SNX8: variants seen among roughly 807,000 people sequenced by gnomAD.
SNX8 encodes the protein sorting nexin 8, also known as sorting nexin-8.
SNX8 carries 25 observed loss-of-function variants against 51.6 expected under a neutral mutation model. The observed-to-expected ratio is 0.48, with a 90% CI of 0.35 to 0.68. The LOEUF is 0.68. Among genes scored for constraint, SNX8 ranks in the 30% least tolerant of loss-of-function variants. SNX8 has a pLI of 0.00. For synonymous variants in SNX8, 324 were observed against 277.0 expected (o/e 1.17, Z -1.68); for missense variants, 695 against 624.0 (o/e 1.11, Z -1.21).
chr7:2,274,398 T>A (rs1221961855), intron 3 of SNX8, among the ~76,000 whole-genome samples: 1 of 152,216 alleles, frequency 6.6e-6, no homozygotes, highest in Non-Finnish European at 1.5e-5. Context: ...CATGATCAGC[T>A]CTAAGCACTC....
intron 1 of SNX8, among the ~76,000 whole-genome samples, chr7:2,295,144 T>A (rs1235760716): frequency 1.3e-5 from 2 of 152,306 alleles, no homozygotes; most frequent in East Asian, 3.9e-4. Context: ...GGCTCACACC[T>A]GTTATCCCAG....
At chr7:2,301,692 A>C (rs1428541585) in intron 1 of SNX8, among the ~76,000 whole-genome samples, 1 of 152,156 alleles carries the variant, frequency 6.6e-6, no homozygotes, top group Non-Finnish European at 1.5e-5. Context: ...GGTGATGGTA[A>C]ACTGACATGG....
At position 2,257,041 on chromosome 7, in the gene SNX8, GCCTTTCGCACCCGGC is replaced by G. The variant is rs1562419314; in HGVS notation, c.1135-33_1135-19del. 6.3e-6 allele frequency: 10 copies of G among 1,587,222 alleles called. No individual in the cohort carries two copies. Among genetic ancestry groups the G allele is most frequent in the Non-Finnish European group, 8.6e-6 (10 of 1,163,586 alleles). On this transcript the variant is annotated intron_variant, in intron 9 of 10. Coordinates refer to ENST00000222990, the MANE Select transcript of SNX8 (RefSeq NM_013321.4). ...TTCTCCTGCTGCGGAGCAAACAGCC[GCCTTTCGCACCCGGC>G]CCAGCCGGCGACGGGAGCACCAAGG...
chr7:2,335,867 T>C (rs1413309022), intron 1 of SNX8, among the ~76,000 whole-genome samples: 1 of 117,388 alleles, frequency 8.5e-6, no homozygotes, highest in African/African-American at 3.3e-5. Context: ...TTCAGAAAAA[T>C]GAATGTTAAT....
upstream of SNX8, among the ~76,000 whole-genome samples, chr7:2,316,711 A>G (rs1158358618): frequency 6.7e-6 from 1 of 149,856 alleles, no homozygotes; most frequent in African/African-American, 2.5e-5. Context: ...TCATGCAACC[A>G]CTCACTCACT....
At chr7:2,268,000 C>T (rs1330892377) in intron 5 of SNX8, among the ~76,000 whole-genome samples, 14 of 146,030 alleles carry the variant, frequency 9.6e-5, no homozygotes, top group Admixed American at 5.4e-4. Flanking sequence ...TCTGCCCGGC[C>T]GAGACCCCGT....
At chr7:2,299,840 T>C (rs1196636895) in intron 1 of SNX8, among the ~76,000 whole-genome samples, 6 of 152,102 alleles carry the variant, frequency 3.9e-5, no homozygotes, top group Admixed American at 6.6e-5. Context: ...AGAACCTTCA[T>C]TGGCCACCAA....
chr7:2,333,219 C>T (rs1778770773), intron 1 of SNX8, among the ~76,000 whole-genome samples: 1 of 151,954 alleles, frequency 6.6e-6, no homozygotes, highest in Non-Finnish European at 1.5e-5. Context: ...CAGCCAAGCC[C>T]AGGAGTTTGA....
At chr7:2,258,868 C>T (rs1795265513) in intron 7 of SNX8, among the ~76,000 whole-genome samples, 2 of 152,152 alleles carry the variant, frequency 1.3e-5, no homozygotes, top group Admixed American at 6.5e-5. Flanking sequence ...CGGCGGGCAG[C>T]CCTGGAGTGG....
intron 1 of SNX8, among the ~76,000 whole-genome samples, chr7:2,281,285 T>G (rs1584696418): frequency 6.6e-6 from 1 of 151,786 alleles, no homozygotes; most frequent in South Asian, 2.1e-4. Context: ...ACGGGCATGT[T>G]GGCGCAACCT....
chr7:2,343,597 C>T (rs999288568), intron 1 of SNX8, among the ~76,000 whole-genome samples: 3 of 152,026 alleles, frequency 2.0e-5, no homozygotes, highest in African/African-American at 7.2e-5. Context: ...ATGGCGTAAA[C>T]CCGGGAGGCG....
chr7:2,283,523 T>C (rs1485743000), intron 1 of SNX8, among the ~76,000 whole-genome samples: 3 of 152,204 alleles, frequency 2.0e-5, no homozygotes, highest in Non-Finnish European at 2.9e-5. Flanking sequence ...GTGTGGTTCC[T>C]ACTGTCCCGT....
At chr7:2,353,376 A>C (rs997478570) in intron 1 of SNX8, among the ~76,000 whole-genome samples, 4 of 152,030 alleles carry the variant, frequency 2.6e-5, no homozygotes, top group Non-Finnish European at 4.4e-5. Flanking sequence ...ACAGAGCGAG[A>C]CCCTATCTCT....
intron 1 of SNX8, among the ~76,000 whole-genome samples, chr7:2,290,475 G>C (rs949553868): frequency 5.4e-4 from 82 of 152,238 alleles, no homozygotes; most frequent in African/African-American, 1.9e-3. Flanking sequence ...CTGCACTCTA[G>C]CCTCAGTGAC....
intron 1 of SNX8, chr7:2,287,884 T>A (rs1356952534): frequency 2.0e-5 from 3 of 150,298 alleles, no homozygotes; most frequent in South Asian, 2.1e-4. Context: ...CACTCCTGCC[T>A]GGGCGAGCAG....
At chr7:2,351,998 C>G (rs1779152878) in intron 1 of SNX8, among the ~76,000 whole-genome samples, 1 of 147,322 alleles carries the variant, frequency 6.8e-6, no homozygotes, top group Admixed American at 6.9e-5. Context: ...CCCTCTGCCT[C>G]CAGGGTACAA....
At chr7:2,311,734 G>A (rs1005438577) in intron 1 of SNX8, among the ~76,000 whole-genome samples, 12 of 151,854 alleles carry the variant, frequency 7.9e-5, no homozygotes, top group Non-Finnish European at 1.5e-4. Flanking sequence ...TCAGGAGATC[G>A]AGACCATCCT....
chr7:2,321,759 C>T (rs1756286733), intron 1 of SNX8, among the ~76,000 whole-genome samples: 1 of 127,484 alleles, frequency 7.8e-6, no homozygotes, highest in African/African-American at 3.2e-5. Flanking sequence ...GCTTGTCACC[C>T]AGGCTGGAGT....
At chr7:2,299,296 T>A (rs1286944220) in intron 1 of SNX8, 2 of 151,366 alleles carry the variant, frequency 1.3e-5, no homozygotes, top group Non-Finnish European at 2.9e-5. Flanking sequence ...AAAAAAAAAA[T>A]CACTGGTTCC....
Sources: gnomAD v4.1 joint callset for allele counts (sites outside exome capture counted in the v4.1 genomes callset) on GRCh38, gnomAD v4.1.1 for gene constraint, MANE v1.5 for transcripts, NCBI Gene and HGNC (gene_info 2026-07-23, HGNC 2026-07-21) for gene names.